The following TMEM106A variants were observed in gnomAD, a reference collection of about 807,000 sequenced individuals.
TMEM106A encodes transmembrane protein 106A.
Under a neutral mutation model 25.1 loss-of-function variants are expected in TMEM106A, and 22 were observed. That is an observed-to-expected ratio of 0.88 (90% CI 0.63 to 1.25). TMEM106A has a LOEUF of 1.25. TMEM106A is among the 50% of genes most tolerant of loss of function. The pLI, the probability that TMEM106A is intolerant of heterozygous loss-of-function variation, is 0.00. For synonymous variants in TMEM106A, 104 were observed against 129.9 expected, an observed-to-expected ratio of 0.80 and a Z score of 1.35; for missense variants, 275 against 318.1, an observed-to-expected ratio of 0.86 and a Z score of 1.03.
In TMEM106A at chr17:43,213,896, G is replaced by GC. The variant is rs2057459871; in HGVS notation, c.275+11dup. On this transcript the variant is annotated splice_donor_region_variant and intron_variant, in intron 4 of 8. Coordinates refer to ENST00000612339, the MANE Select transcript of TMEM106A (RefSeq NM_145041.4). ...GAGGCTGAAGCCCAAGCACACGTAA[G>GC]CCCCCCTTCCTCCCCTAGCTTCACA... 1.9e-6 allele frequency: 3 copies of GC among 1,614,086 alleles called. No homozygotes were observed. The highest frequency in any genetic ancestry group is 2.5e-6 in the Non-Finnish European group (3 of 1,179,962).
At position 43,217,746 on chromosome 17, in the gene TMEM106A, T is replaced by C. The variant is rs752841279; in HGVS notation, c.734T>C (p.Val245Ala). 6.2e-7 allele frequency: 1 copy of C among 1,614,228 alleles called. No individual in the cohort carries two copies. The highest frequency in any genetic ancestry group is 1.1e-5 in the South Asian group (1 of 91,086). The change falls in exon 9 of 9, where the codon GTG (valine) becomes GCG (alanine). Residue 245 changes from valine to alanine, a missense_variant. Transcript: ENST00000612339. ...CTGGTCTTTCAGAGCTATGAATATG[T>C]GGACTGCCGAGGAAACGCATCTGTG... ...EQLVFQSYEYVDCRGNASVPH... is the reference protein window; with the variant it reads ...EQLVFQSYEYADCRGNASVPH...
chr17:43,216,619 C>T, intron 6 of TMEM106A, 30 bp downstream of exon 6: 1 of 1,614,158 alleles, frequency 6.2e-7, no homozygotes, highest in African/African-American at 1.3e-5. Context: ...CCAGCCCTGC[C>T]CACTGGTGTG....
In TMEM106A at chr17:43,217,328, A is replaced by G; in HGVS notation, c.668+16A>G. 6.2e-7 allele frequency: 1 copy of G among 1,614,000 alleles called. No individual in the cohort carries two copies. On this transcript the variant is annotated intron_variant, in intron 8 of 8. Transcript: ENST00000612339. The stretch of plus-strand genomic sequence containing the variant: ...TGCACATCCAGTAAGTAGAGCTTGG[A>G]GCTCTGGTATCCCTGCTCTCACTTC...
Position 43,219,066 on chromosome 17 carries a change from T to C in TMEM106A, c.*1265T>C, listed in dbSNP as rs992775657. On this transcript the variant is annotated 3_prime_UTR_variant, in exon 9 of 9. Coordinates refer to ENST00000612339, the MANE Select transcript of TMEM106A (RefSeq NM_145041.4). ...CCAAAGACAGAATCATTGTATAAGA[T>C]ATTTATTAAAGGAGAGCCTCTAAGT... 4.6e-5 allele frequency: 7 copies of C among 152,188 alleles called. No individual in the cohort carries two copies. The highest frequency in any genetic ancestry group is 1.7e-4 in the African/African-American group (7 of 41,438). The allele number at this position is 152,188 out of a possible 1,614,324, so 9.4% of individuals were successfully genotyped here.
In TMEM106A at chr17:43,217,682, G is replaced by A; in HGVS notation, c.670G>A (p.Gly224Ser). The A allele has an allele frequency of 6.2e-7, 1 of 1,614,108 alleles. No individual in the cohort carries two copies. Among genetic ancestry groups the A allele is most frequent in the African/African-American group, 1.3e-5 (1 of 75,032 alleles). Reference protein sequence around the residue: ...KVHHVLLHIQGTLTCSYLSHS... With the variant: ...KVHHVLLHIQSTLTCSYLSHS... ...CAACAAGGCCTGCTTCCTCTCCAGGGGCACCCTGACCTGTTCATACCTGAG... is the reference window on the plus strand; with the variant it reads ...CAACAAGGCCTGCTTCCTCTCCAGGAGCACCCTGACCTGTTCATACCTGAG... The change falls in exon 9 of 9, where the codon GGC becomes AGC. Residue 224 changes from glycine to serine, a missense_variant and splice_region_variant. Transcript: ENST00000612339.
chr17:43,212,397 G>A lies in TMEM106A; in HGVS notation c.-22+3G>A, dbSNP rs144868981. 1 of 152,382 alleles carries A rather than the reference G, an allele frequency of 6.6e-6. No homozygotes were observed. Among genetic ancestry groups the A allele is most frequent in the African/African-American group, 2.4e-5 (1 of 41,438 alleles). 9.4% of individuals were successfully genotyped at this position (152,382 alleles called of 1,614,324 possible). ...CTGGGATCCCAGACCTGAACAAGGT[G>A]AGCATCCCTATATTTTAGCCCAGAA... is the stretch of plus-strand genomic sequence containing the variant. On this transcript the variant is annotated splice_donor_region_variant and intron_variant, in intron 2 of 8. Transcript: ENST00000612339.
chr17:43,217,212 T>C, intron 7 of TMEM106A, 47 bp from the exon 8 acceptor site: 2 of 1,600,788 alleles, frequency 1.2e-6, no homozygotes, highest in Non-Finnish European at 1.7e-6. Context: ...GCTGACAGGC[T>C]GCTCCATGTG....
chr17:43,217,649 A>G (rs369021981), intron 8 of TMEM106A, 32 bp from the exon 9 acceptor site: 35 of 1,613,266 alleles, frequency 2.2e-5, no homozygotes, highest in Non-Finnish European at 2.8e-5. Context: ...TTTTCCTCCC[A>G]GCCATGGCAA....
chr17:43,212,957 C>T, intron 2 of TMEM106A, 64 bp from the exon 3 acceptor site: 1 of 1,402,082 alleles, frequency 7.1e-7, no homozygotes, highest in African/African-American at 1.4e-5. Flanking sequence ...GAACTTCAAA[C>T]CAAAATTACA....
intron 3 of TMEM106A, 78 bp from the exon 4 acceptor site, chr17:43,213,750 G>T (rs774065082): frequency 7.0e-7 from 1 of 1,428,960 alleles, no homozygotes; most frequent in South Asian, 1.2e-5. Flanking sequence ...GGGTGGAGGC[G>T]TGCTTCTGGG....
At chr17:43,216,785 T>G in intron 7 of TMEM106A, 45 bp downstream of exon 7, 2 of 1,612,434 alleles carry the variant, frequency 1.2e-6, no homozygotes, top group Non-Finnish European at 1.7e-6. Flanking sequence ...TTGCCTGGCT[T>G]AGGGACCCAA....
In TMEM106A at chr17:43,215,915, G is replaced by A. The variant is rs2057480856; in HGVS notation, c.403G>A (p.Glu135Lys). Residue 135 changes from glutamate (E) to lysine (K), a missense_variant, in exon 5 of 9, where the codon GAG becomes AAG. Glu to Lys is a moderately conservative substitution (Grantham distance 56, BLOSUM62 1). Transcript: ENST00000612339. The part of the protein sequence containing the change: ...GLNSSTVAFD[E>K]ADIYLNITNI... ...CAACTCCTCCACAGTGGCCTTTGAT[G>A]AGGCTGATATCTACCTCAACATAAC... is the stretch of plus-strand genomic sequence containing the variant. 1.9e-6 allele frequency: 3 copies of A among 1,614,122 alleles called. No homozygotes were observed. The highest frequency in any genetic ancestry group is 2.5e-6 in the Non-Finnish European group (3 of 1,180,032).
In TMEM106A at chr17:43,217,890, C is replaced by T; in HGVS notation, c.*89C>T. ...GGTGACTAAGGAAGGACTACAGAGG[C>T]TTTGCCAAAGGAGAAGCCCTGCCTC... On this transcript the variant is annotated 3_prime_UTR_variant, in exon 9 of 9. Transcript: ENST00000612339. The T allele has an allele frequency of 1.3e-6, 2 of 1,579,552 alleles. No homozygotes were observed. Among genetic ancestry groups the T allele is most frequent in the East Asian group, 2.2e-5 (1 of 44,596 alleles).
Position 43,216,530 on chromosome 17 carries a change from G to C in TMEM106A, c.511G>C (p.Val171Leu). Residue 171 changes from valine to leucine, a missense_variant, in exon 6 of 9, where the codon GTG becomes CTG. Coordinates refer to ENST00000612339, the MANE Select transcript of TMEM106A (RefSeq NM_145041.4). ...CCTCGAGGTTCTGCACCTGTCCCTCGTGGTGGGGCAGGTTTCCAACAACCT... is the reference window on the plus strand; with the variant it reads ...CCTCGAGGTTCTGCACCTGTCCCTCCTGGTGGGGCAGGTTTCCAACAACCT... The part of the protein sequence containing the change: ...LTLEVLHLSL[V>L]VGQVSNNLLL... The C allele has an allele frequency of 6.2e-7, 1 of 1,614,174 alleles. No individual in the cohort carries two copies.
rs987208949 is a variant in TMEM106A at position 43,218,379 on chromosome 17, G to A, written c.*578G>A. On this transcript the variant is annotated 3_prime_UTR_variant, in exon 9 of 9. Coordinates refer to ENST00000612339, the MANE Select transcript of TMEM106A (RefSeq NM_145041.4). Reference sequence around the variant, plus strand: ...CTGGCTTTTAAAACATGGACCTGCCGGCTGGGCGCAGTGGCTTACACCTGT... The same window carrying A: ...CTGGCTTTTAAAACATGGACCTGCCAGCTGGGCGCAGTGGCTTACACCTGT... 6.5e-6 allele frequency: 1 copy of A among 153,660 alleles called. No individual in the cohort carries two copies. The highest frequency in any genetic ancestry group is 6.5e-5 in the Admixed American group (1 of 15,446). 9.5% of individuals were successfully genotyped at this position (153,660 alleles called of 1,614,324 possible). A position where few individuals can be genotyped will look rare whatever the true frequency, so the allele number is the denominator to read the frequency against.
chr17:43,218,268 A>G lies in TMEM106A; in HGVS notation c.*467A>G, dbSNP rs2057505481. ...GGCACCTGGCCTTTCTGTACTGAGC[A>G]CCTGGTCAGTCTGAAGGGGGCATTT... On this transcript the variant is annotated 3_prime_UTR_variant, in exon 9 of 9. Coordinates refer to ENST00000612339, the MANE Select transcript of TMEM106A (RefSeq NM_145041.4). The G allele has an allele frequency of 1.2e-5, 2 of 170,576 alleles. No homozygotes were observed. The highest frequency in any genetic ancestry group is 1.8e-4 in the East Asian group (1 of 5,592). 10.6% of individuals were successfully genotyped at this position (170,576 alleles called of 1,614,324 possible).
chr17:43,213,829 G>A lies in TMEM106A; in HGVS notation c.213G>A (p.Glu71=). The change falls in exon 4 of 9, where the codon GAG becomes GAA. Residue 71 remains glutamate, a splice_region_variant and synonymous_variant. Transcript: ENST00000612339. The stretch of plus-strand genomic sequence containing the variant: ...CCCTCTCACCTTCTCTCTCTCTAGA[G>A]CTGGAGAAGCAGTTGGTGGCTCTCA... ...TCQGSGKIPQ[E]LEKQLVALIP... is the part of the protein sequence containing the mutation. 6.2e-7 allele frequency: 1 copy of A among 1,614,162 alleles called. No homozygotes were observed. The highest frequency in any genetic ancestry group is 8.5e-7 in the Non-Finnish European group (1 of 1,180,046).
chr17:43,217,203 C>A, intron 7 of TMEM106A, 56 bp from the exon 8 acceptor site: 1 of 1,581,650 alleles, frequency 6.3e-7, no homozygotes, highest in Non-Finnish European at 8.7e-7. Context: ...ATCTTCTGAG[C>A]TGACAGGCTG....
rs2057480216 is a variant in TMEM106A, at chr17:43,215,864, T to C, written c.352T>C (p.Ser118Pro). 6.2e-7 allele frequency: 1 copy of C among 1,614,090 alleles called. No individual in the cohort carries two copies. Among genetic ancestry groups the C allele is most frequent in the South Asian group, 1.1e-5 (1 of 91,072 alleles). ...CATCGTCTTTTTCCTGTTTCCCCGG[T>C]CCGTCATTGTGCAGCCTGCAGGCCT... is the stretch of plus-strand genomic sequence containing the variant. ...SFIVFFLFPR[S>P]VIVQPAGLNS... The change falls in exon 5 of 9, where the codon TCC becomes CCC. Residue 118 changes from serine to proline, a missense_variant. Physicochemically the swap from Ser to Pro is moderately conservative, Grantham distance 74 (BLOSUM62 -1). Transcript: ENST00000612339.
Sources: gnomAD v4.1 joint callset for allele counts on GRCh38, gnomAD v4.1.1 for gene constraint, MANE v1.5 for transcripts, NCBI Gene and HGNC (gene_info 2026-07-23, HGNC 2026-07-21) for gene names.